MROH2A: variants seen among roughly 807,000 people sequenced by gnomAD.
The protein encoded by MROH2A is maestro heat like repeat family member 2A, also known as maestro heat-like repeat-containing protein family member 2A.
A neutral mutation model predicts 200.4 loss-of-function variants in MROH2A; 174 were observed. That is an observed-to-expected ratio of 0.87 (90% confidence interval 0.77 to 0.98). The LOEUF is 0.98. MROH2A is among the 50% of genes least tolerant of loss of function. The pLI, the probability that MROH2A is intolerant of heterozygous loss-of-function variation, is 0.00. For synonymous variants in MROH2A, 829 were observed against 840.4 expected (o/e 0.99, Z 0.23); for missense variants, 2,045 against 2,139.6 (o/e 0.96, Z 0.87).
upstream of MROH2A, chr2:233,778,300 G>C (rs1361146959): frequency 6.0e-6 from 1 of 166,300 alleles, no homozygotes; most frequent in African/African-American, 2.4e-5. Flanking sequence ...GATAGTTCTA[G>C]TGAAACCCTC....
In MROH2A at chr2:233,813,664, C is replaced by G; in HGVS notation, c.2652-6C>G. ...TGTTCCTCTCTTGTCACTGCTTCTTCTCCAGCAAGCTGAAGCCTTTCTACT... is the reference window on the plus strand; with the variant it reads ...TGTTCCTCTCTTGTCACTGCTTCTTGTCCAGCAAGCTGAAGCCTTTCTACT... On this transcript the variant is annotated splice_region_variant and splice_polypyrimidine_tract_variant and intron_variant, in intron 24 of 41. Transcript: ENST00000389758. The G allele has an allele frequency of 6.5e-7, 1 of 1,533,346 alleles. No homozygotes were observed. Among genetic ancestry groups the G allele is most frequent in the Admixed American group, 2.0e-5 (1 of 50,844 alleles). The allele number at this position is 1,533,346 out of a possible 1,614,324, so 95.0% of individuals were successfully genotyped here.
intron 26 of MROH2A, 110 bp downstream of exon 26, chr2:233,814,787 G>A: frequency 4.5e-6 from 3 of 666,816 alleles, no homozygotes; most frequent in Non-Finnish European, 7.4e-6. Flanking sequence ...TTGTTTTAGT[G>A]ATTTCATTGT....
rs1700825242 is a variant in MROH2A at position 233,779,450 on chromosome 2, G to C, written c.92G>C (p.Ser31Thr). The change falls in exon 2 of 42, where the codon AGT (serine) becomes ACT (threonine). Residue 31 changes from serine (S) to threonine (T), a missense_variant and splice_region_variant. Around this residue, in one of 3 missense-constraint regions of MROH2A, gnomAD observed 831 missense variants for 800.0 expected, o/e 1.04. Coordinates refer to ENST00000389758, the MANE Select transcript of MROH2A (RefSeq NM_001394639.1). Reference sequence around the variant, plus strand: ...CTGGGGCCTCTTGAATTACATGACAGTGGTAAGAATGTCATCCACATTTCT... The same window carrying C: ...CTGGGGCCTCTTGAATTACATGACACTGGTAAGAATGTCATCCACATTTCT... ...DDLGPLELHD[S>T]GTFQQVVNLL... 6.5e-7 allele frequency: 1 copy of C among 1,544,054 alleles called. No homozygotes were observed. Among genetic ancestry groups the C allele is most frequent in the Non-Finnish European group, 8.8e-7 (1 of 1,141,240 alleles).
Position 233,807,826 on chromosome 2 carries a change from G to A in MROH2A, c.2266G>A (p.Glu756Lys). 6.4e-7 allele frequency: 1 copy of A among 1,551,010 alleles called. No homozygotes were observed. The highest frequency in any genetic ancestry group is 8.7e-7 in the Non-Finnish European group (1 of 1,147,076). Residue 756 changes from glutamate to lysine, a missense_variant, in exon 21 of 42, where the codon GAG becomes AAG. This residue lies in a region of MROH2A where 1,201 missense variants were observed against 1,311.3 expected (regional missense o/e 0.92). Coordinates refer to ENST00000389758, the MANE Select transcript of MROH2A (RefSeq NM_001394639.1). The surrounding 1 kb of genome is among the most constrained non-coding windows in gnomAD (Gnocchi z 4.3). ...HDFEERIQES[E>K]QSWQISAWRK... ...CTTCGAGGAGAGGATCCAGGAGTCA[G>A]AGCAGTCCTGGCAGATCAGTGCTTG...
Position 233,796,252 on chromosome 2 carries a change from A to G in MROH2A, c.1191A>G (p.Thr397=), listed in dbSNP as rs1238329080. The stretch of plus-strand genomic sequence containing the variant: ...AGTTCTTCTTCAGCCAGATGGAGAC[A>G]AACAAGGAGGCCGTCCGCGTGGGGA... ...LMKFFFSQME[T]NKEAVRVGTL... The change falls in exon 11 of 42, where the codon ACA becomes ACG. Residue 397 remains threonine (T), a synonymous_variant. Transcript: ENST00000389758. The G allele has an allele frequency of 6.7e-7, 1 of 1,502,188 alleles. No individual in the cohort carries two copies. Among genetic ancestry groups the G allele is most frequent in the South Asian group, 1.2e-5 (1 of 83,376 alleles). 93.1% of individuals were successfully genotyped at this position (1,502,188 alleles called of 1,614,324 possible). A position where few individuals can be genotyped will look rare whatever the true frequency, so the allele number is the denominator to read the frequency against.
chr2:233,819,403 T>A lies in MROH2A; in HGVS notation c.3291T>A (p.His1097Gln). 6.4e-7 allele frequency: 1 copy of A among 1,550,562 alleles called. No homozygotes were observed. Among genetic ancestry groups the A allele is most frequent in the African/African-American group, 1.4e-5 (1 of 73,160 alleles). The change falls in exon 30 of 42, where the codon CAT (histidine) becomes CAA (glutamine). Residue 1097 changes from histidine to glutamine, a missense_variant. Physicochemically the swap from His to Gln is conservative, Grantham distance 24 (BLOSUM62 0). Transcript: ENST00000389758. ...CENTGAMNLQ[H>Q]DKASVTWIAF... ...ACACTGGGGCCATGAACCTGCAGCA[T>A]GACAAGGCCTCTGTCACCTGGATAG...
At chr2:233,819,872 GC>G in intron 30 of MROH2A, 29 bp from the exon 31 acceptor site, 15 of 1,478,650 alleles carry the variant, frequency 1.0e-5, no homozygotes, top group Admixed American at 2.3e-5. Context: ...GGCCTGGGCT[GC>G]CCCCCGGTGA....
chr2:233,802,489 T>C, intron 15 of MROH2A, 174 bp downstream of exon 15: 1 of 693,742 alleles, frequency 1.4e-6, no homozygotes, highest in Non-Finnish European at 2.3e-6. Flanking sequence ...TACCTGATCA[T>C]ATCTAGGTCA....
intron 40 of MROH2A, 74 bp from the exon 41 acceptor site, chr2:233,832,501 AAAGT>A: frequency 1.3e-5 from 15 of 1,188,846 alleles, no homozygotes; most frequent in Non-Finnish European, 1.8e-5. Flanking sequence ...CTCATAACGT[AAAGT>A]AAGTAAACCA....
chr2:233,822,802 A>G, intron 33 of MROH2A, 79 bp from the exon 34 acceptor site: 2 of 1,514,640 alleles, frequency 1.3e-6, no homozygotes, highest in Admixed American at 2.1e-5. Context: ...CTGGGGCCCC[A>G]CTTCACAGAT....
intron 3 of MROH2A, among the ~76,000 whole-genome samples, chr2:233,780,245 AGGGGACCTGGT>A (rs1413747204): frequency 6.6e-6 from 1 of 152,214 alleles, no homozygotes; most frequent in Non-Finnish European, 1.5e-5. Context: ...AAGTGCAACC[AGGGGACCTGGT>A]GGGCTTGTAC....
At chr2:233,824,099 G>A (rs1283488795) in intron 35 of MROH2A, among the ~76,000 whole-genome samples, 2 of 152,002 alleles carry the variant, frequency 1.3e-5, no homozygotes, top group African/African-American at 4.8e-5. Flanking sequence ...ACCAACCACA[G>A]CCCAGGCCAG....
chr2:233,821,890 G>A (rs1703960537), intron 31 of MROH2A, among the ~76,000 whole-genome samples: 1 of 152,072 alleles, frequency 6.6e-6, no homozygotes, highest in Non-Finnish European at 1.5e-5. Flanking sequence ...GCTTCCGTGG[G>A]GGCCATGGCT....
rs1266752249 is a variant in MROH2A, at chr2:233,820,830, T to C, written c.3512+774T>C. 6.6e-6 allele frequency among the ~76,000 whole-genome samples: 1 copy of C among 152,204 alleles called. No homozygotes were observed. Among genetic ancestry groups the C allele is most frequent in the Non-Finnish European group, 1.5e-5 (1 of 68,030 alleles). On this transcript the variant is annotated intron_variant, in intron 31 of 41. Coordinates refer to ENST00000389758, the MANE Select transcript of MROH2A (RefSeq NM_001394639.1). This position sits in a 1 kb window ranked among gnomAD's most constrained non-coding sequence, Gnocchi z 4.1. ...GGCTCCAGAGCCACAAGGGCTGACC[T>C]GCCCGAAATGCAGGCATGACTCCCC...
rs1251699349 is a variant in MROH2A, at chr2:233,804,183, T to A, written c.1882T>A (p.Tyr628Asn). The change falls in exon 17 of 42, where the codon TAC (tyrosine) becomes AAC (asparagine). Residue 628 changes from tyrosine (Y) to asparagine (N), a missense_variant. By Grantham distance (143) the Tyr-to-Asn change is moderately radical (BLOSUM62 -2). This residue lies in a region of MROH2A where 13 missense variants were observed against 28.3 expected (regional missense o/e 0.46). Coordinates refer to ENST00000389758, the MANE Select transcript of MROH2A (RefSeq NM_001394639.1). ...WELEIALLVR[Y>N]LEEHTEFTWD... ...GCTGGAGATTGCGCTACTGGTCCGGTACCTGGAAGGTGAGGTTCCTGGGGA... is the reference window on the plus strand; with the variant it reads ...GCTGGAGATTGCGCTACTGGTCCGGAACCTGGAAGGTGAGGTTCCTGGGGA... 1 of 1,550,398 alleles carries A rather than the reference T, an allele frequency of 6.4e-7. No homozygotes were observed. The highest frequency in any genetic ancestry group is 8.7e-7 in the Non-Finnish European group (1 of 1,146,990).
intron 8 of MROH2A, among the ~76,000 whole-genome samples, chr2:233,794,960 G>A (rs1354734331): frequency 1.3e-5 from 2 of 152,170 alleles, no homozygotes; most frequent in South Asian, 4.1e-4. Flanking sequence ...TTCTGTGACT[G>A]TGGCAGCATC....
intron 22 of MROH2A, among the ~76,000 whole-genome samples, chr2:233,809,815 C>T (rs1160952156): frequency 1.3e-5 from 2 of 152,032 alleles, no homozygotes; most frequent in African/African-American, 4.8e-5. Context: ...GAGGTACATT[C>T]ACGTTATTGT....
chr2:233,802,523 T>G, intron 15 of MROH2A: 1 of 558,204 alleles, frequency 1.8e-6, no homozygotes, highest in Non-Finnish European at 3.1e-6. Context: ...TAAACTTCCT[T>G]TGGATAGCTC....
At chr2:233,776,354 CTTTTTTTT>C (rs10568441), upstream of MROH2A, among the ~76,000 whole-genome samples, 1 of 111,340 alleles carries the variant, frequency 9.0e-6, no homozygotes. Context: ...AATGTATTTA[CTTTTTTTT>C]TTTTTTTTTT....
Sources: allele counts gnomAD v4.1 joint callset (sites outside exome capture counted in the v4.1 genomes callset), GRCh38; gene constraint gnomAD v4.1.1; regional missense constraint gnomAD v4.1.1; non-coding constraint Gnocchi (gnomAD v3.1); transcripts MANE v1.5; gene names NCBI Gene and HGNC (gene_info 2026-07-23, HGNC 2026-07-21).